The following MMD2 variants were observed in gnomAD, a reference collection of about 807,000 sequenced individuals.
MMD2 encodes the protein monocyte to macrophage differentiation factor 2.
In MMD2, 30 loss-of-function variants were observed where a neutral mutation model predicts 33.5. The observed-to-expected ratio is 0.90, with a 90% CI of 0.67 to 1.22. MMD2 has a LOEUF of 1.22. Among genes scored for constraint, MMD2 ranks in the 50% most tolerant of loss-of-function variants. The probability of loss-of-function intolerance (pLI) is 0.00; values close to 1 mark genes in which losing one functional copy is unlikely to be tolerated. For synonymous variants in MMD2, 129 were observed against 123.0 expected, an observed-to-expected ratio of 1.05 and a Z score of -0.32; for missense variants, 364 against 325.4, an observed-to-expected ratio of 1.12 and a Z score of -0.91.
chr7:4,899,794 C>T, the MMD2 span, among the ~76,000 whole-genome samples: 1 of 152,116 alleles, frequency 6.6e-6, no homozygotes, highest in African/African-American at 2.4e-5. Flanking sequence ...GCCACCTGGA[C>T]CCCAGGTGAT....
In MMD2 at chr7:4,944,264, GA is replaced by G. The variant is rs112735764; in HGVS notation, c.47+14706del. 2.8e-3 allele frequency among the ~76,000 whole-genome samples: 420 copies of G among 149,064 alleles called. 1 individual carries two copies. Among genetic ancestry groups the G allele is most frequent in the African/African-American group, 9.5e-3 (387 of 40,838 alleles). ...CACTTCAGCCTGGGCAACAGAGCAA[GA>G]AAAAAAAAATTGGAATCTATTCTGA... On this transcript the variant is annotated intron_variant, in intron 1 of 6. Transcript: ENST00000401401.
At chr7:4,917,808 G>A (rs941350199) in intron 3 of MMD2, among the ~76,000 whole-genome samples, 10 of 152,166 alleles carry the variant, frequency 6.6e-5, no homozygotes, top group African/African-American at 2.2e-4. Context: ...GGACTGGAAT[G>A]GTGCCAGCCT....
In MMD2 at chr7:4,940,843, A is replaced by T. The variant is rs151045191; in HGVS notation, c.48-15311T>A. ...AGCACTCAGGTGCACTGTGCGTGGC[A>T]TCCCATGTGAACGGCCCCCTGGGCC... On this transcript the variant is annotated intron_variant, in intron 1 of 6. Transcript: ENST00000401401. This position sits in a 1 kb window ranked among gnomAD's most constrained non-coding sequence, Gnocchi z 5.0. Among the ~76,000 whole-genome samples, 379 of 152,230 alleles carry T rather than the reference A, an allele frequency of 2.5e-3. 2 individuals are homozygous for T. Among genetic ancestry groups the T allele is most frequent in the Middle Eastern group, 0.01 (3 of 294 alleles).
intron 4 of MMD2, 50 bp downstream of exon 4, chr7:4,915,955 A>G: frequency 2.6e-6 from 4 of 1,568,500 alleles, no homozygotes; most frequent in Non-Finnish European, 2.6e-6. Context: ...AATTCAAACA[A>G]TGAAAAGAAA....
chr7:4,916,539 T>C (rs977421565), intron 3 of MMD2, among the ~76,000 whole-genome samples: 1 of 151,986 alleles, frequency 6.6e-6, no homozygotes, highest in African/African-American at 2.4e-5. Context: ...CCTGCCACCA[T>C]GCCCAGCTAG....
chr7:4,945,189 T>TTCTTCTTCC (rs1554273350), intron 1 of MMD2, among the ~76,000 whole-genome samples: 6 of 121,756 alleles, frequency 4.9e-5, no homozygotes, highest in Non-Finnish European at 1.0e-4. Flanking sequence ...TTCCTCTTTC[T>TTCTTCTTCC]TCTTCTTCTT....
intron 1 of MMD2, 57 bp downstream of exon 1, chr7:4,958,914 C>T: frequency 7.8e-7 from 1 of 1,274,876 alleles, no homozygotes; most frequent in Non-Finnish European, 1.0e-6. Flanking sequence ...CCTCCGCGGC[C>T]CCCGCCGCCG....
At chr7:4,929,656 T>C (rs1395149774) in intron 1 of MMD2, among the ~76,000 whole-genome samples, 1 of 151,666 alleles carries the variant, frequency 6.6e-6, no homozygotes, top group Non-Finnish European at 1.5e-5. Context: ...TCCCTAGCAG[T>C]TGGAACTACA....
intron 6 of MMD2, among the ~76,000 whole-genome samples, chr7:4,908,079 G>T (rs1784908465): frequency 6.6e-6 from 1 of 151,516 alleles, no homozygotes; most frequent in Non-Finnish European, 1.5e-5. Context: ...CAAAGTGATG[G>T]CATTACAGGT....
intron 1 of MMD2, among the ~76,000 whole-genome samples, chr7:4,934,478 C>T (rs955079016): frequency 6.6e-6 from 1 of 152,172 alleles, no homozygotes; most frequent in Non-Finnish European, 1.5e-5. Flanking sequence ...GTCAGAGAGG[C>T]AGCCTCGACG....
At chr7:4,925,946 T>C (rs373744711) in intron 1 of MMD2, among the ~76,000 whole-genome samples, 1 of 152,174 alleles carries the variant, frequency 6.6e-6, no homozygotes, top group Admixed American at 6.5e-5. Context: ...CCTGAGTAGC[T>C]GGGCGTGTGC....
At chr7:4,922,521 C>T (rs930159919) in intron 2 of MMD2, among the ~76,000 whole-genome samples, 2 of 152,168 alleles carry the variant, frequency 1.3e-5, no homozygotes, top group African/African-American at 4.8e-5. Context: ...AATTTGGGGA[C>T]ATGCTTCTCA....
chr7:4,912,651 A>G (rs28676920), intron 4 of MMD2, among the ~76,000 whole-genome samples: 104,102 of 151,944 alleles, frequency 0.69, 37,220 homozygotes, highest in African/African-American at 0.9. Flanking sequence ...GTAGTTAACA[A>G]TGGTGGTGAT....
intron 3 of MMD2, among the ~76,000 whole-genome samples, chr7:4,919,399 T>C (rs1785218152): frequency 6.6e-6 from 1 of 151,954 alleles, no homozygotes; most frequent in African/African-American, 2.4e-5. Flanking sequence ...TGGAACCCCA[T>C]CTCTACAAAA....
intron 1 of MMD2, among the ~76,000 whole-genome samples, chr7:4,931,951 C>T (rs1303893753): frequency 6.6e-6 from 1 of 152,148 alleles, no homozygotes; most frequent in Non-Finnish European, 1.5e-5. Flanking sequence ...GGCAGGGAGT[C>T]CGGAGACCAA....
intron 1 of MMD2, among the ~76,000 whole-genome samples, chr7:4,939,351 C>T (rs896606711): frequency 5.3e-5 from 8 of 151,564 alleles, no homozygotes; most frequent in African/African-American, 1.9e-4. Flanking sequence ...CACGCCTGGG[C>T]AACATAGCAA....
intron 1 of MMD2, among the ~76,000 whole-genome samples, chr7:4,948,748 C>T (rs941688621): frequency 6.6e-6 from 1 of 152,170 alleles, no homozygotes; most frequent in Non-Finnish European, 1.5e-5. Context: ...ACACTTTGAT[C>T]TTGACTTCCA....
intron 1 of MMD2, among the ~76,000 whole-genome samples, chr7:4,950,913 ATC>A (rs1786225184): frequency 6.6e-6 from 1 of 151,928 alleles, no homozygotes; most frequent in Non-Finnish European, 1.5e-5. Flanking sequence ...GGGTTTCACC[ATC>A]TTGGCCAGGC....
At chr7:4,924,200 C>A (rs1228062277) in intron 2 of MMD2, among the ~76,000 whole-genome samples, 1 of 152,050 alleles carries the variant, frequency 6.6e-6, no homozygotes, top group Non-Finnish European at 1.5e-5. Flanking sequence ...TCAAAAAAAA[C>A]AAAAACAAAA....
Sources: gnomAD v4.1 joint callset for allele counts (sites outside exome capture counted in the v4.1 genomes callset) on GRCh38, gnomAD v4.1.1 for gene constraint, Gnocchi (gnomAD v3.1) non-coding constraint, MANE v1.5 for transcripts, NCBI Gene and HGNC (gene_info 2026-07-23, HGNC 2026-07-21) for gene names.